Variants in SEMA6D observed in about 807,000 individuals in gnomAD.
The protein encoded by SEMA6D is semaphorin-6D.
A neutral mutation model predicts 106.6 loss-of-function variants in SEMA6D; 35 were observed. That is an observed-to-expected ratio of 0.33 (90% CI 0.25 to 0.44). The LOEUF (loss-of-function observed/expected upper bound fraction) is 0.44, where lower values mean the gene tolerates loss of function less well. SEMA6D is among the 20% of genes least tolerant of loss of function. The probability of loss-of-function intolerance (pLI) is 1.00; values close to 1 mark genes in which losing one functional copy is unlikely to be tolerated. For missense variants in SEMA6D, 1,185 were observed against 1,345.9 expected, an observed-to-expected ratio of 0.88 and a Z score of 1.87; for synonymous variants, 499 against 487.7, an observed-to-expected ratio of 1.02 and a Z score of -0.31.
At chr15:47,274,256 C>T (rs1035434557) in intron 1 of SEMA6D, 1 of 152,056 alleles carries the variant, frequency 6.6e-6, no homozygotes, top group African/African-American at 2.4e-5. Context: ...AACTTCCATC[C>T]TCACCCCCCT....
At chr15:47,300,429 G>T (rs1393699335) in intron 1 of SEMA6D, among the ~76,000 whole-genome samples, 1 of 151,992 alleles carries the variant, frequency 6.6e-6, no homozygotes, top group Non-Finnish European at 1.5e-5. Flanking sequence ...TTGAGTCCTG[G>T]GGGGGTGGGC....
chr15:47,226,315 A>G (rs1397776973), intron 1 of SEMA6D, among the ~76,000 whole-genome samples: 2 of 152,058 alleles, frequency 1.3e-5, no homozygotes, highest in Non-Finnish European at 2.9e-5. Context: ...CTGTGAGACA[A>G]TAAGTTTCTG....
intron 1 of SEMA6D, among the ~76,000 whole-genome samples, chr15:47,351,055 C>G (rs1230001657): frequency 6.6e-6 from 1 of 152,148 alleles, no homozygotes; most frequent in Non-Finnish European, 1.5e-5. Flanking sequence ...ATACCCTGCC[C>G]AGCTGTCAAG....
chr15:47,380,380 G>C (rs552025773), intron 1 of SEMA6D: 1 of 152,182 alleles, frequency 6.6e-6, no homozygotes, highest in South Asian at 2.1e-4. Context: ...GAACTCTAAG[G>C]CACTTGCTAA....
chr15:47,185,268 A>G (rs1021932178), intron 1 of SEMA6D, among the ~76,000 whole-genome samples: 1 of 152,192 alleles, frequency 6.6e-6, no homozygotes, highest in Non-Finnish European at 1.5e-5. Flanking sequence ...CGGAAGAGCA[A>G]ACGTAGTCGA....
intron 1 of SEMA6D, among the ~76,000 whole-genome samples, chr15:47,227,419 C>CTT (rs1555407167): frequency 1.3e-4 from 15 of 115,424 alleles, no homozygotes; most frequent in South Asian, 2.8e-4. Context: ...TTCTTTCTTT[C>CTT]TCTTTCTTTC....
At chr15:47,588,825 G>T (rs1026700261) in intron 3 of SEMA6D, among the ~76,000 whole-genome samples, 2 of 152,298 alleles carry the variant, frequency 1.3e-5, no homozygotes, top group Middle Eastern at 3.4e-3. Context: ...GAGAGGGTTT[G>T]TCAGTCACAA....
rs943606305 is a variant in SEMA6D, at chr15:47,190,918, G to A, written c.-239+6500G>A. 6.6e-5 allele frequency among the ~76,000 whole-genome samples: 10 copies of A among 152,024 alleles called. 1 individual carries two copies. The highest frequency in any genetic ancestry group is 6.2e-4 in the South Asian group (3 of 4,818). Reference sequence around the variant, plus strand: ...GGTGAGGTGGCTCATACCTGTAATCGCAGAACTTTGGGAGGCTGAGATGAG... The same window carrying A: ...GGTGAGGTGGCTCATACCTGTAATCACAGAACTTTGGGAGGCTGAGATGAG... On this transcript the variant is annotated intron_variant, in intron 1 of 19. Coordinates refer to the SEMA6D transcript ENST00000558014.
At chr15:47,382,870 C>T (rs1354904605) in intron 1 of SEMA6D, among the ~76,000 whole-genome samples, 4 of 152,172 alleles carry the variant, frequency 2.6e-5, no homozygotes, top group African/African-American at 4.8e-5. Context: ...CGGGCTCAAG[C>T]GACTCTCCTG....
intron 2 of SEMA6D, among the ~76,000 whole-genome samples, chr15:47,421,736 A>G (rs943004361): frequency 2.0e-5 from 3 of 152,044 alleles, no homozygotes; most frequent in African/African-American, 7.2e-5. Context: ...AATGACATGT[A>G]TGACAAAAAC....
chr15:47,590,057 T>C (rs1460925154), intron 3 of SEMA6D, among the ~76,000 whole-genome samples: 1 of 152,114 alleles, frequency 6.6e-6, no homozygotes, highest in African/African-American at 2.4e-5. Context: ...TATTTAGAAA[T>C]AGGGTCTCTG....
At chr15:47,298,734 C>G (rs1315749955) in intron 1 of SEMA6D, among the ~76,000 whole-genome samples, 2 of 152,158 alleles carry the variant, frequency 1.3e-5, no homozygotes, top group Non-Finnish European at 1.5e-5. Context: ...CAAGGGCTTC[C>G]TTAGCTCCTT....
intron 1 of SEMA6D, among the ~76,000 whole-genome samples, chr15:47,325,897 C>A (rs1024292143): frequency 6.6e-6 from 1 of 152,036 alleles, no homozygotes; most frequent in Non-Finnish European, 1.5e-5. Context: ...TTACCTCAAG[C>A]GGTTGCCCAG....
intron 4 of SEMA6D, among the ~76,000 whole-genome samples, chr15:47,630,495 G>T (rs1458243904): frequency 2.0e-5 from 3 of 151,632 alleles, no homozygotes; most frequent in Non-Finnish European, 1.5e-5. Flanking sequence ...ACTTTTTATA[G>T]ATTTTTTTTG....
intron 3 of SEMA6D, among the ~76,000 whole-genome samples, chr15:47,487,752 A>G (rs1301381489): frequency 6.6e-6 from 1 of 152,232 alleles, no homozygotes; most frequent in Non-Finnish European, 1.5e-5. Flanking sequence ...TTCACTGACC[A>G]TCCTTACAGA....
At chr15:47,335,363 G>A (rs576267915) in intron 1 of SEMA6D, among the ~76,000 whole-genome samples, 8 of 152,194 alleles carry the variant, frequency 5.3e-5, no homozygotes, top group African/African-American at 1.9e-4. Context: ...AGATACAAAA[G>A]AGTTTGTTCC....
chr15:47,660,745 A>T (rs1302454567), intron 4 of SEMA6D, among the ~76,000 whole-genome samples: 2 of 152,126 alleles, frequency 1.3e-5, no homozygotes, highest in Non-Finnish European at 2.9e-5. Flanking sequence ...CTGAATCTAG[A>T]GTGATTCATA....
intron 1 of SEMA6D, among the ~76,000 whole-genome samples, chr15:47,368,557 G>A (rs281278): frequency 0.65 from 98,595 of 151,440 alleles, 32,796 homozygotes; most frequent in Non-Finnish European, 0.72. Context: ...TGCAAGCTCC[G>A]CCTCCCGGGT....
chr15:47,562,225 A>T (rs1170537975), intron 3 of SEMA6D, among the ~76,000 whole-genome samples: 3 of 152,054 alleles, frequency 2.0e-5, no homozygotes, highest in African/African-American at 7.2e-5. Context: ...GTAGTGCTTG[A>T]TCAATTAGAT....
Sources: gnomAD v4.1 joint callset for allele counts (sites outside exome capture counted in the v4.1 genomes callset) on GRCh38, gnomAD v4.1.1 for gene constraint, MANE v1.5 for transcripts, NCBI Gene and HGNC (gene_info 2026-07-23, HGNC 2026-07-21) for gene names.